Variants in NRXN3 observed in about 807,000 individuals in gnomAD.
NRXN3 encodes the protein neurexin 3, also known as neurexin III.
NRXN3 carries 32 observed loss-of-function variants against 137.6 expected under a neutral mutation model. The ratio of observed to expected loss-of-function variants is 0.23; its 90% CI spans 0.18 to 0.31. The LOEUF (loss-of-function observed/expected upper bound fraction) is 0.31, where lower values mean the gene tolerates loss of function less well. NRXN3 is among the 10% of genes least tolerant of loss of function. NRXN3 has a pLI of 1.00. For synonymous variants in NRXN3, 798 were observed against 784.5 expected (o/e 1.02, Z -0.29); for missense variants, 1,574 against 2,062.5 (o/e 0.76, Z 4.59).
At position 78,403,010 on chromosome 14, in the gene NRXN3, G is replaced by A. The variant is rs369391594; in HGVS notation, c.757+105150G>A. Among the ~76,000 whole-genome samples the A allele has an allele frequency of 8.5e-5, 13 of 152,224 alleles. No individual in the cohort carries two copies. In the South Asian group the frequency reaches 1.7e-3, roughly 19 times the overall value. ...ACTCCATATATAGTATTCTGCCCCCGGATTTCTGCTTCTTGTTTGAGGTGG... is the reference window on the plus strand; with the variant it reads ...ACTCCATATATAGTATTCTGCCCCCAGATTTCTGCTTCTTGTTTGAGGTGG... On this transcript the variant is annotated intron_variant, in intron 4 of 20. Transcript: ENST00000335750.
At chr14:78,299,563 A>C (rs1205587670) in intron 4 of NRXN3, among the ~76,000 whole-genome samples, 1 of 151,996 alleles carries the variant, frequency 6.6e-6, no homozygotes, top group Non-Finnish European at 1.5e-5. Context: ...AAGCTTTTAT[A>C]GTGGCTTGGA....
intron 16 of NRXN3, among the ~76,000 whole-genome samples, chr14:79,501,301 G>A (rs373513855): frequency 8.6e-5 from 13 of 151,650 alleles, no homozygotes; most frequent in African/African-American, 2.9e-4. Flanking sequence ...TCCCTCCCCC[G>A]CTTCTACTAT....
chr14:79,346,609 T>C (rs1251211945), intron 15 of NRXN3, among the ~76,000 whole-genome samples: 1 of 152,160 alleles, frequency 6.6e-6, no homozygotes, highest in Admixed American at 6.5e-5. Flanking sequence ...TCTTGTGTGC[T>C]ACCCCTCTGC....
chr14:79,222,185 T>C (rs149463164), intron 15 of NRXN3, among the ~76,000 whole-genome samples: 4,175 of 152,202 alleles, frequency 0.027, 135 homozygotes, highest in South Asian at 0.085. Context: ...AGTCAGGTAG[T>C]GTGATGCCCC....
chr14:78,417,055 A>G (rs1038265481), intron 4 of NRXN3, among the ~76,000 whole-genome samples: 3 of 152,162 alleles, frequency 2.0e-5, no homozygotes, highest in African/African-American at 7.2e-5. Flanking sequence ...TGGTCTCAAG[A>G]CTATTTTGTC....
chr14:79,608,611 G>A (rs2098054876), intron 16 of NRXN3, among the ~76,000 whole-genome samples: 2 of 152,210 alleles, frequency 1.3e-5, no homozygotes, highest in South Asian at 4.1e-4. Context: ...AATTTTTGCT[G>A]GTGCTAGGTT....
chr14:79,682,117 A>G (rs1445832518), intron 17 of NRXN3, among the ~76,000 whole-genome samples: 2 of 152,068 alleles, frequency 1.3e-5, no homozygotes, highest in South Asian at 2.1e-4. Context: ...GTTACAATCT[A>G]TCAGTGTTAT....
Position 79,429,731 on chromosome 14 carries a change from C to T in NRXN3, c.3263-37490C>T, listed in dbSNP as rs539301210. On this transcript the variant is annotated intron_variant, in intron 15 of 20. Coordinates refer to ENST00000335750, the MANE Select transcript of NRXN3 (RefSeq NM_001330195.2). ...TAGTCATTGACTTACCCAGATCTATCGTCACCTCTTGAAGAAACAACCAGA... is the reference window on the plus strand; with the variant it reads ...TAGTCATTGACTTACCCAGATCTATTGTCACCTCTTGAAGAAACAACCAGA... Among the ~76,000 whole-genome samples the T allele has an allele frequency of 1.6e-4, 25 of 152,248 alleles. 2 individuals are homozygous for T. The East Asian group carries it at 3.7e-3, about 22-fold the overall frequency.
intron 16 of NRXN3, among the ~76,000 whole-genome samples, chr14:79,622,086 G>A (rs1176726020): frequency 1.3e-5 from 2 of 152,134 alleles, no homozygotes; most frequent in African/African-American, 2.4e-5. Flanking sequence ...CATTCTCCAC[G>A]CTGTCCCAGT....
At chr14:79,224,508 A>G (rs1181347277) in intron 15 of NRXN3, among the ~76,000 whole-genome samples, 1 of 152,198 alleles carries the variant, frequency 6.6e-6, no homozygotes, top group African/African-American at 2.4e-5. Context: ...TGGCCAAAGT[A>G]ATGGTGGGTA....
chr14:79,020,516 C>T (rs558314988), intron 15 of NRXN3, among the ~76,000 whole-genome samples: 1 of 150,678 alleles, frequency 6.6e-6, no homozygotes. Flanking sequence ...CCACCTGCCT[C>T]TGCCTCCCAA....
intron 17 of NRXN3, among the ~76,000 whole-genome samples, chr14:79,670,647 T>C (rs1603407574): frequency 6.6e-6 from 1 of 152,238 alleles, no homozygotes; most frequent in East Asian, 1.9e-4. Context: ...ACAGCATGGC[T>C]ATGGTGCAAA....
At chr14:79,367,622 A>C (rs2093945026) in intron 15 of NRXN3, among the ~76,000 whole-genome samples, 1 of 152,230 alleles carries the variant, frequency 6.6e-6, no homozygotes. Flanking sequence ...TGTCAGACAC[A>C]GTGCCAAAGA....
rs564942940 is a variant in NRXN3 at position 78,727,732 on chromosome 14, G to A, written c.2044+12593G>A. Among the ~76,000 whole-genome samples, 227 of 151,674 alleles carry A rather than the reference G, an allele frequency of 1.5e-3. 1 individual carries two copies. Among genetic ancestry groups the A allele is most frequent in the Non-Finnish European group, 2.1e-3 (141 of 67,942 alleles). On this transcript the variant is annotated intron_variant, in intron 8 of 20. Coordinates refer to ENST00000335750, the MANE Select transcript of NRXN3 (RefSeq NM_001330195.2). ...CCTGGGCAACAAGAGCGAAAACTCCGTCTCAAAAAAAAATGCTGTGGGCCC... is the reference window on the plus strand; with the variant it reads ...CCTGGGCAACAAGAGCGAAAACTCCATCTCAAAAAAAAATGCTGTGGGCCC...
intron 15 of NRXN3, among the ~76,000 whole-genome samples, chr14:79,300,697 A>G (rs986113052): frequency 4.0e-5 from 6 of 150,108 alleles, no homozygotes; most frequent in African/African-American, 1.5e-4. Flanking sequence ...CTTTCGCTGT[A>G]TTCTGTTGGT....
In NRXN3 at chr14:78,401,152, G is replaced by T. The variant is rs544402566; in HGVS notation, c.757+103292G>T. ...CCAGTCATTTTATAAAGCACTAGTG[G>T]GGTCCCAAAATGCCACTTTTTATTT... On this transcript the variant is annotated intron_variant, in intron 4 of 20. Coordinates refer to ENST00000335750, the MANE Select transcript of NRXN3 (RefSeq NM_001330195.2). Among the ~76,000 whole-genome samples the T allele has an allele frequency of 7.9e-5, 12 of 152,168 alleles. No individual in the cohort carries two copies. The South Asian group carries it at 2.5e-3, about 32-fold the overall frequency.
rs1044653666 is a variant in NRXN3 at position 79,162,412 on chromosome 14, G to A, written c.3262+174271G>A. 8.7e-4 allele frequency among the ~76,000 whole-genome samples: 132 copies of A among 151,308 alleles called. 1 individual carries two copies. The highest frequency in any genetic ancestry group is 1.7e-3 in the Non-Finnish European group (115 of 67,802). ...GCGGTGTTTGGTTTTTTGTTCTTGCGATAGTTTACTGAGAATGATGATTTC... is the reference window on the plus strand; with the variant it reads ...GCGGTGTTTGGTTTTTTGTTCTTGCAATAGTTTACTGAGAATGATGATTTC... On this transcript the variant is annotated intron_variant, in intron 15 of 20. Coordinates refer to ENST00000335750, the MANE Select transcript of NRXN3 (RefSeq NM_001330195.2).
intron 15 of NRXN3, among the ~76,000 whole-genome samples, chr14:79,264,553 T>C (rs2078153369): frequency 6.7e-6 from 1 of 149,430 alleles, no homozygotes; most frequent in African/African-American, 2.5e-5. Context: ...TGTGTGTGTG[T>C]GTGTGCGCGC....
rs73316376 is a variant in NRXN3 at position 78,181,244 on chromosome 14, C to T, written c.-704+10570C>T. Among the ~76,000 whole-genome samples the T allele has an allele frequency of 8.9e-3, 1,354 of 152,230 alleles. 18 individuals are homozygous for T. The highest frequency in any genetic ancestry group is 0.029 in the African/African-American group (1,218 of 41,528). Reference sequence around the variant, plus strand: ...AAATGCCTAGGGAGTTTTTACAAAACGGGTGTCTGCAGGCCCCACCTATAG... The same window carrying T: ...AAATGCCTAGGGAGTTTTTACAAAATGGGTGTCTGCAGGCCCCACCTATAG... On this transcript the variant is annotated intron_variant, in intron 1 of 20. Coordinates refer to ENST00000335750, the MANE Select transcript of NRXN3 (RefSeq NM_001330195.2).
Sources: allele counts gnomAD v4.1 joint callset (sites outside exome capture counted in the v4.1 genomes callset), GRCh38; gene constraint gnomAD v4.1.1; transcripts MANE v1.5; gene names NCBI Gene and HGNC (gene_info 2026-07-23, HGNC 2026-07-21).